LHFPL5: variants seen among roughly 807,000 people sequenced by gnomAD.
The protein encoded by LHFPL5 is LHFPL tetraspan subfamily member 5 protein.
LHFPL5 carries 12 observed loss-of-function variants against 18.7 expected under a neutral mutation model. The observed-to-expected ratio is 0.64, with a 90% CI of 0.41 to 1.04. The LOEUF is 1.04. Among genes scored for constraint, LHFPL5 ranks in the 50% least tolerant of loss-of-function variants. The probability of loss-of-function intolerance (pLI) is 0.00; values close to 1 mark genes in which losing one functional copy is unlikely to be tolerated. For missense variants in LHFPL5, 259 were observed against 292.1 expected, an observed-to-expected ratio of 0.89 and a Z score of 0.83; for synonymous variants, 111 against 120.2, an observed-to-expected ratio of 0.92 and a Z score of 0.50.
Position 35,814,732 on chromosome 6 carries a change from G to T in LHFPL5, c.599G>T (p.Gly200Val), listed in dbSNP as rs768873612. Residue 200 changes from glycine (G) to valine (V), a missense_variant, in exon 2 of 4, where the codon GGC becomes GTC. By Grantham distance (109) the Gly-to-Val change is moderately radical. Transcript: ENST00000360215. This position sits in a 1 kb window ranked among gnomAD's most constrained non-coding sequence, Gnocchi z 4.2. ...CTCTCCTTCCTGGCCTTCGTGTTGG[G>T]CTACCGGCAGGACAAGCTCCTCCCT... ...LILSFLAFVL[G>V]YRQDKLLPDD... The T allele has an allele frequency of 6.2e-7, 1 of 1,614,148 alleles. No homozygotes were observed. The highest frequency in any genetic ancestry group is 8.5e-7 in the Non-Finnish European group (1 of 1,180,030).
At chr6:35,818,339 A>T (rs1561955570) in intron 2 of LHFPL5, among the ~76,000 whole-genome samples, 3 of 27,864 alleles carry the variant, frequency 1.1e-4, no homozygotes, top group South Asian at 9.4e-4. Flanking sequence ...ATATATATAT[A>T]TATATATATG....
At chr6:35,822,432 T>C (rs1001628191) in intron 3 of LHFPL5, among the ~76,000 whole-genome samples, 2 of 152,220 alleles carry the variant, frequency 1.3e-5, no homozygotes, top group Non-Finnish European at 2.9e-5. Context: ...TAGGTAGAAC[T>C]GAAGTCAAAA....
chr6:35,808,313 A>ATG (rs1768605184), intron 1 of LHFPL5, among the ~76,000 whole-genome samples: 1 of 146,562 alleles, frequency 6.8e-6, no homozygotes, highest in Non-Finnish European at 1.5e-5. Context: ...ATATATATAT[A>ATG]TAAATTAAAA....
intron 1 of LHFPL5, chr6:35,811,328 A>G (rs377411760): frequency 1.3e-5 from 2 of 152,252 alleles, no homozygotes; most frequent in East Asian, 1.9e-4. Context: ...GCCACTTTCC[A>G]TGTACAAGAC....
At chr6:35,818,336 TA>T (rs1561955525) in intron 2 of LHFPL5, among the ~76,000 whole-genome samples, 1,719 of 11,642 alleles carry the variant, frequency 0.15, 75 homozygotes, top group Non-Finnish European at 0.18. Flanking sequence ...TATATATATA[TA>T]TATATATATA....
chr6:35,807,350 C>G (rs943296), intron 1 of LHFPL5, among the ~76,000 whole-genome samples: 21,443 of 152,054 alleles, frequency 0.14, 3,100 homozygotes, highest in African/African-American at 0.37. Context: ...CCTCCCTGGT[C>G]CTTTTTCCTG....
Position 35,805,406 on chromosome 6 carries a change from C to T in LHFPL5, c.-265C>T, listed in dbSNP as rs1286665092. ...ACGGGCAGGGCGGCGCCAGCAGGCC[C>T]TGGTGGGCTTGGGAGGAGGCAGGAG... On this transcript the variant is annotated 5_prime_UTR_variant, in exon 1 of 4. Transcript: ENST00000360215. This position sits in a 1 kb window ranked among gnomAD's most constrained non-coding sequence, Gnocchi z 4.3. 8 of 496,752 alleles carry T rather than the reference C, an allele frequency of 1.6e-5. No individual in the cohort carries two copies. Among genetic ancestry groups the T allele is most frequent in the Non-Finnish European group, 2.6e-5 (7 of 273,044 alleles). 30.8% of individuals were successfully genotyped at this position (496,752 alleles called of 1,614,324 possible).
At position 35,819,827 on chromosome 6, in the gene LHFPL5, GC is replaced by G. The variant is rs538827552; in HGVS notation, c.*16+366del. The stretch of plus-strand genomic sequence containing the variant: ...CGAGTAGCTGGGATTACAGGTGCGT[GC>G]CACCATGCCTGGCTAATTTTTTGTA... On this transcript the variant is annotated intron_variant, in intron 3 of 3. Coordinates refer to ENST00000360215, the MANE Select transcript of LHFPL5 (RefSeq NM_182548.4). 2.5e-4 allele frequency: 75 copies of G among 299,794 alleles called. No individual in the cohort carries two copies. In the East Asian group the frequency reaches 5.6e-3, roughly 22 times the overall value. The allele number at this position is 299,794 out of a possible 1,614,324, so 18.6% of individuals were successfully genotyped here. A position where few individuals can be genotyped will look rare whatever the true frequency, so the allele number is the denominator to read the frequency against.
At chr6:35,811,625 A>T (rs950813181) in intron 1 of LHFPL5, among the ~76,000 whole-genome samples, 1 of 152,206 alleles carries the variant, frequency 6.6e-6, no homozygotes, top group African/African-American at 2.4e-5. Context: ...CCACAGGAAG[A>T]TGGTGCAGGA....
At chr6:35,810,095 C>G (rs1278840275) in intron 1 of LHFPL5, among the ~76,000 whole-genome samples, 2 of 152,342 alleles carry the variant, frequency 1.3e-5, no homozygotes, top group South Asian at 2.1e-4. Context: ...AGAGCTTACT[C>G]CTCCTGTCTA....
chr6:35,808,076 T>C (rs1194145739), intron 1 of LHFPL5, among the ~76,000 whole-genome samples: 1 of 151,990 alleles, frequency 6.6e-6, no homozygotes. Context: ...CTCCCTGTTC[T>C]CTGTAGTCTC....
rs60374883 is a variant in LHFPL5 at position 35,816,177 on chromosome 6, CAAAAAAA to C, written c.649+1409_649+1415del. Among the ~76,000 whole-genome samples the C allele has an allele frequency of 4.0e-4, 24 of 60,580 alleles. 1 individual carries two copies. The highest frequency in any genetic ancestry group is 1.4e-3 in the African/African-American group (22 of 16,018). 39.7% of individuals were successfully genotyped at this position (60,580 alleles called of 152,430 possible). ...TGGGTGACAGAGCGAGACTCCGTCT[CAAAAAAA>C]AAAAAAAAAAAAATAGCTGGGTGCG... On this transcript the variant is annotated intron_variant, in intron 2 of 3. Coordinates refer to ENST00000360215, the MANE Select transcript of LHFPL5 (RefSeq NM_182548.4).
chr6:35,806,489 C>T (rs1430743804), intron 1 of LHFPL5, among the ~76,000 whole-genome samples: 2 of 152,142 alleles, frequency 1.3e-5, no homozygotes, highest in Non-Finnish European at 2.9e-5. Flanking sequence ...GGACTCAACC[C>T]TAGCACAAAG....
chr6:35,807,628 C>A (rs1471625192), intron 1 of LHFPL5, among the ~76,000 whole-genome samples: 3 of 152,136 alleles, frequency 2.0e-5, no homozygotes, highest in Non-Finnish European at 4.4e-5. Context: ...CCCAGACCAC[C>A]AAACATGCAG....
At chr6:35,816,462 G>C (rs908142000) in intron 2 of LHFPL5, among the ~76,000 whole-genome samples, 3 of 152,108 alleles carry the variant, frequency 2.0e-5, no homozygotes, top group Non-Finnish European at 2.9e-5. Flanking sequence ...TAGTTCCTGG[G>C]TCAGGGAAAG....
At position 35,819,394 on chromosome 6, in the gene LHFPL5, C is replaced by G. The variant is rs377428683; in HGVS notation, c.650-43C>G. 9 of 1,605,892 alleles carry G rather than the reference C, an allele frequency of 5.6e-6. No individual in the cohort carries two copies. In the South Asian group the frequency reaches 9.9e-5, roughly 18 times the overall value. ...AGTGTGCAGGAAATTATCCTAAAAACGAGACTTGGTAGTAACGTATACTGT... is the reference window on the plus strand; with the variant it reads ...AGTGTGCAGGAAATTATCCTAAAAAGGAGACTTGGTAGTAACGTATACTGT... On this transcript the variant is annotated intron_variant, in intron 2 of 3. Coordinates refer to ENST00000360215, the MANE Select transcript of LHFPL5 (RefSeq NM_182548.4).
rs371628895 is a variant in LHFPL5, at chr6:35,809,803, CTTA to C, written c.412+3727_412+3729del. Among the ~76,000 whole-genome samples the C allele has an allele frequency of 5.8e-3, 883 of 152,284 alleles. 3 individuals are homozygous for C. The highest frequency in any genetic ancestry group is 0.01 in the Middle Eastern group (3 of 294). The stretch of plus-strand genomic sequence containing the variant: ...ACAGGCGTGAGCCACCGCACCCGGC[CTTA>C]TTATTGTTTTTAATTGACATAATAA... On this transcript the variant is annotated intron_variant, in intron 1 of 3. Coordinates refer to ENST00000360215, the MANE Select transcript of LHFPL5 (RefSeq NM_182548.4).
chr6:35,809,811 T>G (rs1768634016), intron 1 of LHFPL5, among the ~76,000 whole-genome samples: 1 of 152,220 alleles, frequency 6.6e-6, no homozygotes, highest in Admixed American at 6.5e-5. Context: ...GCCTTATTAT[T>G]GTTTTTAATT....
chr6:35,811,930 G>T (rs1768671355), intron 1 of LHFPL5, among the ~76,000 whole-genome samples: 1 of 152,220 alleles, frequency 6.6e-6, no homozygotes, highest in African/African-American at 2.4e-5. Flanking sequence ...TGTTCTGGGG[G>T]TGGAGGGAAT....
Sources: gnomAD v4.1 joint callset for allele counts (sites outside exome capture counted in the v4.1 genomes callset) on GRCh38, gnomAD v4.1.1 for gene constraint, Gnocchi (gnomAD v3.1) non-coding constraint, MANE v1.5 for transcripts, NCBI Gene and HGNC (gene_info 2026-07-23, HGNC 2026-07-21) for gene names.